Variants in RBMS3 observed in about 807,000 individuals in gnomAD.
RBMS3 encodes the protein RNA-binding motif, single-stranded-interacting protein 3.
RBMS3 carries 27 observed loss-of-function variants against 66.8 expected under a neutral mutation model. The ratio of observed to expected loss-of-function variants is 0.40; its 90% CI spans 0.30 to 0.56. RBMS3 has a LOEUF of 0.56. Ranked by LOEUF, RBMS3 falls within the 20% of genes least tolerant of loss-of-function variation. The probability of loss-of-function intolerance (pLI) is 0.40; values close to 1 mark genes in which losing one functional copy is unlikely to be tolerated. For missense variants in RBMS3, 513 were observed against 549.5 expected, an observed-to-expected ratio of 0.93 and a Z score of 0.66; for synonymous variants, 188 against 183.0, an observed-to-expected ratio of 1.03 and a Z score of -0.22.
intron 10 of RBMS3, among the ~76,000 whole-genome samples, chr3:29,932,991 T>C (rs2061169881): frequency 6.6e-6 from 1 of 152,166 alleles, no homozygotes; most frequent in African/African-American, 2.4e-5. Context: ...TATTTTTTAG[T>C]GGAATTATAG....
In RBMS3 at chr3:29,727,044, G is replaced by A. The variant is rs181838098; in HGVS notation, c.400-12676G>A. Among the ~76,000 whole-genome samples, 11 of 152,048 alleles carry A rather than the reference G, an allele frequency of 7.2e-5. No individual in the cohort carries two copies. In the East Asian group the frequency reaches 1.2e-3, roughly 16 times the overall value. On this transcript the variant is annotated intron_variant, in intron 4 of 14. Coordinates refer to ENST00000383767, the MANE Select transcript of RBMS3 (RefSeq NM_001003793.3). ...TATAGACCAGTGGAACAGAACAGAG[G>A]CCTCAGAAATAACACCACACATCTA...
intron 3 of RBMS3, among the ~76,000 whole-genome samples, chr3:29,514,994 T>C (rs908336668): frequency 6.6e-6 from 1 of 152,116 alleles, no homozygotes; most frequent in Non-Finnish European, 1.5e-5. Flanking sequence ...TGAGCCACTA[T>C]GTTCAAGATC....
intron 3 of RBMS3, among the ~76,000 whole-genome samples, chr3:29,546,962 G>A (rs902664554): frequency 2.0e-5 from 3 of 152,088 alleles, no homozygotes; most frequent in African/African-American, 7.2e-5. Flanking sequence ...ATTTTATTAA[G>A]TTTTATCTTT....
intron 3 of RBMS3, among the ~76,000 whole-genome samples, chr3:29,510,930 A>C (rs2044374937): frequency 6.6e-6 from 1 of 152,240 alleles, no homozygotes; most frequent in Admixed American, 6.5e-5. Context: ...TATTATGAAA[A>C]GATTTGAGTT....
At chr3:29,930,594 A>G (rs547994582) in intron 10 of RBMS3, among the ~76,000 whole-genome samples, 9 of 152,098 alleles carry the variant, frequency 5.9e-5, no homozygotes, top group Non-Finnish European at 1.2e-4. Flanking sequence ...TAGCAACATC[A>G]ATAACCACTA....
chr3:29,838,441 G>A (rs928408318), intron 6 of RBMS3, among the ~76,000 whole-genome samples: 1 of 152,094 alleles, frequency 6.6e-6, no homozygotes, highest in African/African-American at 2.4e-5. Context: ...TGTCTTAAGT[G>A]ACAATATGTT....
At chr3:29,672,846 C>T (rs138538674) in intron 4 of RBMS3, among the ~76,000 whole-genome samples, 231 of 152,220 alleles carry the variant, frequency 1.5e-3, no homozygotes, top group Non-Finnish European at 2.7e-3. Flanking sequence ...CTTTAACACC[C>T]CACTGTCAAC....
intron 1 of RBMS3, among the ~76,000 whole-genome samples, chr3:29,415,878 G>A (rs933564344): frequency 2.6e-5 from 4 of 152,044 alleles, no homozygotes; most frequent in African/African-American, 9.7e-5. Context: ...CATAATGTAG[G>A]ATGAAATTTT....
At chr3:29,880,910 G>A in intron 7 of RBMS3, 1 of 1,298,784 alleles carries the variant, frequency 7.7e-7, no homozygotes, top group Non-Finnish European at 1.1e-6. Context: ...ACCTACTCTA[G>A]TTACTCATTC....
intron 1 of RBMS3, among the ~76,000 whole-genome samples, chr3:29,302,322 T>C (rs2033732378): frequency 1.3e-5 from 2 of 152,012 alleles, no homozygotes; most frequent in Non-Finnish European, 2.9e-5. Context: ...TGTTGAAATT[T>C]ATCACTGGTG....
intron 4 of RBMS3, among the ~76,000 whole-genome samples, chr3:29,660,384 C>T (rs1287099279): frequency 2.6e-5 from 4 of 152,160 alleles, no homozygotes; most frequent in Non-Finnish European, 5.9e-5. Flanking sequence ...ATACCATTTG[C>T]ATTTCTTTCA....
chr3:29,732,964 G>A (rs912512786), intron 4 of RBMS3, among the ~76,000 whole-genome samples: 2 of 151,858 alleles, frequency 1.3e-5, no homozygotes, highest in African/African-American at 4.8e-5. Flanking sequence ...TAAAATATAG[G>A]ACCCAGTTTT....
intron 1 of RBMS3, among the ~76,000 whole-genome samples, chr3:29,285,884 C>T (rs2032288966): frequency 6.6e-6 from 1 of 152,036 alleles, no homozygotes; most frequent in African/African-American, 2.4e-5. Context: ...CCTTCAAAAG[C>T]AAAACAAAAC....
chr3:29,547,122 C>T (rs913983168), intron 3 of RBMS3, among the ~76,000 whole-genome samples: 8 of 152,114 alleles, frequency 5.3e-5, no homozygotes, highest in African/African-American at 1.9e-4. Flanking sequence ...ACTACAGGCA[C>T]ATCACCATAC....
intron 4 of RBMS3, 36 bp downstream of exon 4, chr3:29,587,241 T>TTTG: frequency 1.2e-6 from 1 of 840,920 alleles, no homozygotes. Flanking sequence ...TTTTTTTTTT[T>TTTG]TTTTTTTTGT....
At chr3:29,631,321 C>T (rs911859594) in intron 4 of RBMS3, among the ~76,000 whole-genome samples, 2 of 151,664 alleles carry the variant, frequency 1.3e-5, no homozygotes, top group African/African-American at 4.8e-5. Context: ...TTTTATTTGT[C>T]TCTAGACATG....
At chr3:29,998,439 A>G (rs1402977528) in intron 14 of RBMS3, among the ~76,000 whole-genome samples, 1 of 152,168 alleles carries the variant, frequency 6.6e-6, no homozygotes, top group Non-Finnish European at 1.5e-5. Context: ...TGGAACCAAA[A>G]AAGAGCCCAC....
At chr3:29,595,044 C>T (rs2149106950) in intron 4 of RBMS3, among the ~76,000 whole-genome samples, 1 of 152,258 alleles carries the variant, frequency 6.6e-6, no homozygotes, top group African/African-American at 2.4e-5. Flanking sequence ...GGGATCCCTA[C>T]TAGTTGACTA....
chr3:29,504,995 C>T (rs2044127279), intron 3 of RBMS3, among the ~76,000 whole-genome samples: 1 of 152,036 alleles, frequency 6.6e-6, no homozygotes, highest in Non-Finnish European at 1.5e-5. Context: ...ATACTTCCTC[C>T]CGTATCAGAC....
Sources: gnomAD v4.1 joint callset for allele counts (sites outside exome capture counted in the v4.1 genomes callset) on GRCh38, gnomAD v4.1.1 for gene constraint, MANE v1.5 for transcripts, NCBI Gene and HGNC (gene_info 2026-07-23, HGNC 2026-07-21) for gene names.